Variants in VTA1 observed in about 807,000 individuals in gnomAD.
VTA1 encodes the protein vacuolar protein sorting-associated protein VTA1 homolog.
VTA1 carries 24 observed loss-of-function variants against 36.9 expected under a neutral mutation model. That is an observed-to-expected ratio of 0.65 (90% CI 0.47 to 0.91). The LOEUF (loss-of-function observed/expected upper bound fraction) is 0.91. Ranked by LOEUF, VTA1 falls within the 40% of genes least tolerant of loss-of-function variation. VTA1 has a pLI of 0.00. For missense variants in VTA1, 393 were observed against 377.2 expected, an observed-to-expected ratio of 1.04 and a Z score of -0.35; for synonymous variants, 142 against 130.2, an observed-to-expected ratio of 1.09 and a Z score of -0.62.
rs1776080248 is a variant in VTA1 at position 142,220,129 on chromosome 6, A to G, written c.*1486A>G. On this transcript the variant is annotated 3_prime_UTR_variant, in exon 8 of 8. Transcript: ENST00000367630. The stretch of plus-strand genomic sequence containing the variant: ...GACTAAACTGTTCTAAATCCTCACA[A>G]AAAAGTCCCCAAACAACATGCCTCC... 6.6e-6 allele frequency: 1 copy of G among 152,196 alleles called. No individual in the cohort carries two copies. The highest frequency in any genetic ancestry group is 1.5e-5 in the Non-Finnish European group (1 of 68,028). The allele number at this position is 152,196 out of a possible 1,614,324, so 9.4% of individuals were successfully genotyped here. A position where few individuals can be genotyped will look rare whatever the true frequency, so the allele number is the denominator to read the frequency against.
chr6:142,181,199 T>C (rs1430106953), intron 4 of VTA1, among the ~76,000 whole-genome samples: 1 of 143,620 alleles, frequency 7.0e-6, no homozygotes, highest in Non-Finnish European at 1.5e-5. Flanking sequence ...AGTGGCGCGA[T>C]CTCACCTCTC....
rs1776104233 is a variant in VTA1 at position 142,221,263 on chromosome 6, C to T, written c.*2620C>T. 1 of 152,104 alleles carries T rather than the reference C, an allele frequency of 6.6e-6. No individual in the cohort carries two copies. Among genetic ancestry groups the T allele is most frequent in the African/African-American group, 2.4e-5 (1 of 41,424 alleles). 9.4% of individuals were successfully genotyped at this position (152,104 alleles called of 1,614,324 possible). Reference sequence around the variant, plus strand: ...ATAGTGATAAATGCTATGGAGGAAACATTGAGGACAGGATAGGAGATGCTT... The same window carrying T: ...ATAGTGATAAATGCTATGGAGGAAATATTGAGGACAGGATAGGAGATGCTT... On this transcript the variant is annotated 3_prime_UTR_variant, in exon 8 of 8. Coordinates refer to ENST00000367630, the MANE Select transcript of VTA1 (RefSeq NM_016485.5).
intron 2 of VTA1, among the ~76,000 whole-genome samples, chr6:142,167,450 A>G (rs1044310779): frequency 2.0e-5 from 3 of 152,226 alleles, no homozygotes; most frequent in East Asian, 3.8e-4. Context: ...TTAGAAACCT[A>G]TTCTATCAGT....
intron 1 of VTA1, among the ~76,000 whole-genome samples, chr6:142,158,171 C>G (rs1229289700): frequency 3.3e-5 from 5 of 151,536 alleles, no homozygotes; most frequent in Non-Finnish European, 7.4e-5. Flanking sequence ...CAAAAGCTGC[C>G]ATAGCCCACA....
At chr6:142,181,116 T>TATATACACAC (rs753996612) in intron 4 of VTA1, among the ~76,000 whole-genome samples, 1 of 87,078 alleles carries the variant, frequency 1.1e-5, no homozygotes, top group East Asian at 4.5e-4. Context: ...TATATATATA[T>TATATACACAC]ACACACACAC....
At chr6:142,180,091 G>A (rs1284886534) in intron 4 of VTA1, among the ~76,000 whole-genome samples, 1 of 152,148 alleles carries the variant, frequency 6.6e-6, no homozygotes, top group African/African-American at 2.4e-5. Flanking sequence ...ACTCTGCTAG[G>A]AGCAATGATG....
At chr6:142,153,842 T>C (rs1263132625) in intron 1 of VTA1, among the ~76,000 whole-genome samples, 1 of 152,110 alleles carries the variant, frequency 6.6e-6, no homozygotes, top group African/African-American at 2.4e-5. Context: ...TTGAAATAGT[T>C]GTAGGTCCAT....
rs956700034 is a variant in VTA1 at position 142,219,211 on chromosome 6, A to T, written c.*568A>T. 3.3e-5 allele frequency: 5 copies of T among 152,204 alleles called. No individual in the cohort carries two copies. The highest frequency in any genetic ancestry group is 1.2e-4 in the African/African-American group (5 of 41,460). The allele number at this position is 152,204 out of a possible 1,614,324, so 9.4% of individuals were successfully genotyped here. On this transcript the variant is annotated 3_prime_UTR_variant, in exon 8 of 8. Transcript: ENST00000367630. ...AAATATAACTCCATTAAAAGTTTAA[A>T]ATTTCATGGGAGAAAATATAATAAG...
chr6:142,194,454 T>G (rs958454696), intron 5 of VTA1, among the ~76,000 whole-genome samples: 2 of 152,178 alleles, frequency 1.3e-5, no homozygotes, highest in African/African-American at 4.8e-5. Context: ...TTAGATTTTT[T>G]GAAGTAGAGG....
intron 5 of VTA1, among the ~76,000 whole-genome samples, chr6:142,196,587 TC>T (rs1775556565): frequency 6.6e-6 from 1 of 152,126 alleles, no homozygotes; most frequent in Non-Finnish European, 1.5e-5. Context: ...TTACAGTTTT[TC>T]CCCCCTCTGG....
chr6:142,178,264 G>A (rs225670), intron 4 of VTA1, among the ~76,000 whole-genome samples: 67,329 of 151,734 alleles, frequency 0.44, 15,736 homozygotes, highest in Middle Eastern at 0.56. Flanking sequence ...ATTGGAGGCT[G>A]GAGGATAATA....
At chr6:142,218,253 T>C (rs1776039039) in intron 7 of VTA1, among the ~76,000 whole-genome samples, 1 of 152,184 alleles carries the variant, frequency 6.6e-6, no homozygotes, top group South Asian at 2.1e-4. Context: ...CCTTATTGCT[T>C]CTTGAAGGAA....
intron 4 of VTA1, among the ~76,000 whole-genome samples, chr6:142,177,861 A>G (rs225668): frequency 0.4 from 60,374 of 152,044 alleles, 13,683 homozygotes; most frequent in Middle Eastern, 0.54. Flanking sequence ...AAAATTTTTC[A>G]TGGAAACTAT....
intron 6 of VTA1, among the ~76,000 whole-genome samples, chr6:142,202,462 A>G (rs1003697964): frequency 2.0e-5 from 3 of 152,030 alleles, no homozygotes; most frequent in Non-Finnish European, 4.4e-5. Context: ...TTTATAAGCT[A>G]TGCATGCAGA....
At chr6:142,172,782 G>A (rs1368460683) in intron 4 of VTA1, among the ~76,000 whole-genome samples, 1 of 152,148 alleles carries the variant, frequency 6.6e-6, no homozygotes, top group Non-Finnish European at 1.5e-5. Context: ...AGAGTACCAG[G>A]TAGGTGAAGA....
chr6:142,183,628 A>C (rs1185758259), intron 4 of VTA1, among the ~76,000 whole-genome samples: 2 of 152,184 alleles, frequency 1.3e-5, no homozygotes. Flanking sequence ...CTTAGAAAGG[A>C]TGTTTAATCA....
intron 4 of VTA1, among the ~76,000 whole-genome samples, chr6:142,179,407 A>G (rs1033569149): frequency 1.3e-5 from 2 of 152,110 alleles, no homozygotes; most frequent in African/African-American, 2.4e-5. Flanking sequence ...GTCCTGAAAA[A>G]GACTTGTTGA....
At chr6:142,148,280 C>T (rs144451470) in intron 1 of VTA1, among the ~76,000 whole-genome samples, 15 of 152,298 alleles carry the variant, frequency 9.8e-5, no homozygotes, top group African/African-American at 3.4e-4. Flanking sequence ...CTCTGCCATA[C>T]TCCAAATGTA....
At chr6:142,169,420 T>G in intron 2 of VTA1, 130 bp from the exon 3 acceptor site, 1 of 1,087,684 alleles carries the variant, frequency 9.2e-7, no homozygotes, top group Non-Finnish European at 1.3e-6. Context: ...TTGCAAGATT[T>G]CATTGATGAC....
Sources: gnomAD v4.1 joint callset for allele counts (sites outside exome capture counted in the v4.1 genomes callset) on GRCh38, gnomAD v4.1.1 for gene constraint, MANE v1.5 for transcripts, NCBI Gene and HGNC (gene_info 2026-07-23, HGNC 2026-07-21) for gene names.